C7orf57: variants seen among roughly 807,000 people sequenced by gnomAD.
C7orf57 encodes the protein chromosome 7 open reading frame 57.
A neutral mutation model predicts 39.0 loss-of-function variants in C7orf57; 33 were observed. That is an observed-to-expected ratio of 0.85 (90% CI 0.64 to 1.13). C7orf57 has a LOEUF of 1.13. C7orf57 is among the 50% of genes most tolerant of loss of function. C7orf57 has a pLI of 0.00. For missense variants in C7orf57, 346 were observed against 362.3 expected, an observed-to-expected ratio of 0.95 and a Z score of 0.37; for synonymous variants, 124 against 137.1, an observed-to-expected ratio of 0.90 and a Z score of 0.67.
At chr7:48,036,016 A>G (rs1365853088) in intron 1 of C7orf57, among the ~76,000 whole-genome samples, 192 bp from the exon 2 acceptor site, 1 of 150,968 alleles carries the variant, frequency 6.6e-6, no homozygotes. Context: ...CCTGCTGTCT[A>G]CCCGGCGTGC....
chr7:48,041,269 G>A, intron 2 of C7orf57, 65 bp from the exon 3 acceptor site: 7 of 1,454,312 alleles, frequency 4.8e-6, no homozygotes, highest in Non-Finnish European at 5.6e-6. Context: ...AGATACTCTG[G>A]TAGAGGCCTA....
rs113813191 is a variant in C7orf57, at chr7:48,055,456, T to C, written c.841+850T>C. 7.1e-3 allele frequency among the ~76,000 whole-genome samples: 1,085 copies of C among 152,310 alleles called. 12 individuals carry two copies. The highest frequency in any genetic ancestry group is 0.024 in the African/African-American group (993 of 41,554). On this transcript the variant is annotated intron_variant, in intron 8 of 8. Transcript: ENST00000348904. Reference sequence around the variant, plus strand: ...CATTACCTCAAATACTTACCCTTTTTTTGTGGTGATCACACTTAAAATCTG... The same window carrying C: ...CATTACCTCAAATACTTACCCTTTTCTTGTGGTGATCACACTTAAAATCTG...
At chr7:48,054,882 T>G (rs7456370) in intron 8 of C7orf57, among the ~76,000 whole-genome samples, 2,508 of 151,860 alleles carry the variant, frequency 0.017, 65 homozygotes, top group African/African-American at 0.052. Flanking sequence ...TTATTATTAT[T>G]ATTATTTTTT....
intron 5 of C7orf57, among the ~76,000 whole-genome samples, chr7:48,048,446 C>T (rs1350874333): frequency 2.0e-5 from 3 of 152,176 alleles, no homozygotes; most frequent in Non-Finnish European, 4.4e-5. Context: ...TCTTGCTCAC[C>T]TACAGGGTGA....
chr7:48,041,016 G>C (rs1431091224), intron 2 of C7orf57, among the ~76,000 whole-genome samples: 1 of 152,178 alleles, frequency 6.6e-6, no homozygotes, highest in Non-Finnish European at 1.5e-5. Flanking sequence ...GATTAGGAGA[G>C]AGAGACAGAG....
chr7:48,043,393 CTT>C, intron 3 of C7orf57, 86 bp from the exon 4 acceptor site: 1 of 970,748 alleles, frequency 1.0e-6, no homozygotes, highest in Non-Finnish European at 1.6e-6. Flanking sequence ...TACAGTTCGC[CTT>C]GTAAATTGAG....
At chr7:48,057,796 G>A (rs1374314364) in intron 8 of C7orf57, among the ~76,000 whole-genome samples, 1 of 151,978 alleles carries the variant, frequency 6.6e-6, no homozygotes, top group Non-Finnish European at 1.5e-5. Context: ...TTTCCTCTAT[G>A]CTTAATTTGT....
intron 5 of C7orf57, among the ~76,000 whole-genome samples, chr7:48,047,828 G>A (rs372239688): frequency 3.4e-4 from 51 of 152,122 alleles, no homozygotes; most frequent in African/African-American, 1.0e-3. Context: ...ACAGCCTCCC[G>A]AGTAGCTAGG....
chr7:48,045,861 A>G (rs540858429), intron 4 of C7orf57, among the ~76,000 whole-genome samples: 1 of 152,140 alleles, frequency 6.6e-6, no homozygotes, highest in Non-Finnish European at 1.5e-5. Context: ...TGCTAGTTTA[A>G]ATACTCACAT....
chr7:48,053,454 T>C (rs144405463), intron 7 of C7orf57, among the ~76,000 whole-genome samples: 78 of 151,982 alleles, frequency 5.1e-4, no homozygotes, highest in African/African-American at 1.9e-3. Flanking sequence ...TATTTTATTT[T>C]ATTTATTTAT....
In C7orf57 at chr7:48,035,971, C is replaced by A. The variant is rs1208169523; in HGVS notation, c.-101-237C>A. ...GTGCCCCTGCTGTGTACCCGGAGTGCGTACGTCCCTGCTGTGTACCCTGTG... is the reference window on the plus strand; with the variant it reads ...GTGCCCCTGCTGTGTACCCGGAGTGAGTACGTCCCTGCTGTGTACCCTGTG... On this transcript the variant is annotated intron_variant, in intron 1 of 8. Transcript: ENST00000348904. This position sits in a 1 kb window ranked among gnomAD's most constrained non-coding sequence, Gnocchi z 4.0. Among the ~76,000 whole-genome samples the A allele has an allele frequency of 2.0e-5, 3 of 151,824 alleles. No homozygotes were observed. Among genetic ancestry groups the A allele is most frequent in the African/African-American group, 7.3e-5 (3 of 41,326 alleles).
chr7:48,037,067 A>C (rs1790393625), intron 2 of C7orf57, among the ~76,000 whole-genome samples: 1 of 152,160 alleles, frequency 6.6e-6, no homozygotes, highest in Admixed American at 6.5e-5. Context: ...ATTTGCTCAG[A>C]AGTGAACCAA....
intron 8 of C7orf57, among the ~76,000 whole-genome samples, chr7:48,057,174 A>G (rs1791140748): frequency 6.6e-6 from 1 of 151,158 alleles, no homozygotes; most frequent in Admixed American, 6.6e-5. Context: ...ATGTCATTGG[A>G]ATTTTGGTAG....
intron 8 of C7orf57, among the ~76,000 whole-genome samples, chr7:48,059,696 T>C (rs187281636): frequency 1.1e-3 from 175 of 152,290 alleles, no homozygotes; most frequent in Middle Eastern, 3.4e-3. Flanking sequence ...GACACAAGAT[T>C]ATTATTATTT....
chr7:48,049,469 C>CT (rs1280872120), intron 5 of C7orf57, among the ~76,000 whole-genome samples: 1 of 152,144 alleles, frequency 6.6e-6, no homozygotes, highest in Admixed American at 6.5e-5. Flanking sequence ...GTTTCATTGG[C>CT]TGATCATGAT....
At chr7:48,040,674 G>A (rs1790521703) in intron 2 of C7orf57, among the ~76,000 whole-genome samples, 1 of 152,114 alleles carries the variant, frequency 6.6e-6, no homozygotes, top group Non-Finnish European at 1.5e-5. Context: ...TGGGTGGAGA[G>A]AATGGGGGAA....
chr7:48,052,005 G>A (rs575364876), intron 6 of C7orf57, among the ~76,000 whole-genome samples: 87 of 128,320 alleles, frequency 6.8e-4, no homozygotes, highest in African/African-American at 1.1e-3. Flanking sequence ...ACAGAGTCTC[G>A]CTCTGTTGCC....
chr7:48,055,538 T>G (rs1205953475), intron 8 of C7orf57, among the ~76,000 whole-genome samples: 1 of 152,222 alleles, frequency 6.6e-6, no homozygotes, highest in African/African-American at 2.4e-5. Context: ...TTCACCTTGC[T>G]GTGAAATAGA....
chr7:48,051,849 TTCTTTCTTTCTTTCTTTCTTTCTC>T (rs1562630221), intron 6 of C7orf57, among the ~76,000 whole-genome samples: 29 of 83,268 alleles, frequency 3.5e-4, no homozygotes, highest in African/African-American at 1.5e-3. Context: ...CTTTCTTTCT[TTCTTTCTTTCTTTCTTTCTTTCTC>T]TTTCTCTTTC....
Sources: allele counts gnomAD v4.1 joint callset (sites outside exome capture counted in the v4.1 genomes callset), GRCh38; gene constraint gnomAD v4.1.1; non-coding constraint Gnocchi (gnomAD v3.1); transcripts MANE v1.5; gene names NCBI Gene and HGNC (gene_info 2026-07-23, HGNC 2026-07-21).